The following GPC5 variants were observed in gnomAD, a reference collection of about 807,000 sequenced individuals.
GPC5 encodes the protein glypican 5.
A neutral mutation model predicts 53.9 loss-of-function variants in GPC5; 47 were observed. That is an observed-to-expected ratio of 0.87 (90% CI 0.69 to 1.11). The LOEUF is 1.11. GPC5 is among the 50% of genes most tolerant of loss of function. The pLI is 0.00. For missense variants in GPC5, 748 were observed against 713.1 expected, an observed-to-expected ratio of 1.05 and a Z score of -0.56; for synonymous variants, 286 against 263.3, an observed-to-expected ratio of 1.09 and a Z score of -0.84.
At chr13:91,456,489 T>A (rs1426398653) in intron 2 of GPC5, among the ~76,000 whole-genome samples, 8 of 151,996 alleles carry the variant, frequency 5.3e-5, no homozygotes, top group Admixed American at 5.3e-4. Context: ...AGTTAATAAT[T>A]TTTTTAAGAT....
chr13:92,596,533 G>C (rs2139074573), intron 7 of GPC5, among the ~76,000 whole-genome samples: 1 of 152,102 alleles, frequency 6.6e-6, no homozygotes, highest in South Asian at 2.1e-4. Context: ...GAGTGCAGTG[G>C]CACAATGTTG....
At position 91,669,454 on chromosome 13, in the gene GPC5, G is replaced by A. The variant is rs553208371; in HGVS notation, c.326-23733G>A. Among the ~76,000 whole-genome samples, 34 of 152,266 alleles carry A rather than the reference G, an allele frequency of 2.2e-4. No individual in the cohort carries two copies. The East Asian group carries it at 4.6e-3, about 21-fold the overall frequency. ...GATGGTTAACAGACACTAATTTAAA[G>A]CGGGAACTTTGGCCAGAATCAATAT... On this transcript the variant is annotated intron_variant, in intron 2 of 7. Transcript: ENST00000377067.
intron 7 of GPC5, among the ~76,000 whole-genome samples, chr13:92,278,394 G>C (rs2042890805): frequency 6.6e-6 from 1 of 151,846 alleles, no homozygotes; most frequent in South Asian, 2.1e-4. Context: ...TTTCCTTGTG[G>C]ATTGAGACAT....
In GPC5 at chr13:91,757,614, C is replaced by A. The variant is rs569661769; in HGVS notation, c.1280+1194C>A. 7.2e-5 allele frequency among the ~76,000 whole-genome samples: 11 copies of A among 152,230 alleles called. No individual in the cohort carries two copies. In the South Asian group the frequency reaches 2.3e-3, roughly 32 times the overall value. On this transcript the variant is annotated intron_variant, in intron 5 of 7. Transcript: ENST00000377067. ...TGTGCACATATACTTCTCTTTGCTG[C>A]TGCCATGTGAAGAAGGACGTATTTG... is the stretch of plus-strand genomic sequence containing the variant.
chr13:92,668,722 T>A (rs1319011805), intron 7 of GPC5, among the ~76,000 whole-genome samples: 1 of 152,094 alleles, frequency 6.6e-6, no homozygotes, highest in East Asian at 1.9e-4. Flanking sequence ...AAGTCTGTGG[T>A]CTTCTGTAAC....
rs115738853 is a variant in GPC5, at chr13:92,070,913, G to A, written c.1402-73917G>A. On this transcript the variant is annotated intron_variant, in intron 6 of 7. Transcript: ENST00000377067. Reference sequence around the variant, plus strand: ...TTGCATACTATCTTTTTATTTTATTGTGAAACACATTATAGAACTTTACAG... The same window carrying A: ...TTGCATACTATCTTTTTATTTTATTATGAAACACATTATAGAACTTTACAG... 3.1e-3 allele frequency among the ~76,000 whole-genome samples: 472 copies of A among 151,910 alleles called. 3 individuals carry two copies. Among genetic ancestry groups the A allele is most frequent in the African/African-American group, 0.011 (442 of 41,434 alleles).
At chr13:91,591,339 C>A (rs970855914) in intron 2 of GPC5, among the ~76,000 whole-genome samples, 1 of 152,162 alleles carries the variant, frequency 6.6e-6, no homozygotes, top group East Asian at 1.9e-4. Context: ...CTATATCTGA[C>A]TTGACCTTTC....
At chr13:91,950,932 C>G (rs1301226537) in intron 6 of GPC5, among the ~76,000 whole-genome samples, 1 of 152,096 alleles carries the variant, frequency 6.6e-6, no homozygotes, top group Admixed American at 6.5e-5. Flanking sequence ...AGTCCTCATT[C>G]CCTCTGCTGC....
chr13:91,993,750 A>G (rs2040478950), intron 6 of GPC5, among the ~76,000 whole-genome samples: 1 of 151,876 alleles, frequency 6.6e-6, no homozygotes, highest in African/African-American at 2.4e-5. Context: ...ATCTCAAAAT[A>G]TCTCATATGT....
rs532976424 is a variant in GPC5, at chr13:92,617,828, ATTC to A, written c.1562-248451_1562-248449del. On this transcript the variant is annotated intron_variant, in intron 7 of 7. Coordinates refer to ENST00000377067, the MANE Select transcript of GPC5 (RefSeq NM_004466.6). ...AGGTGTTACATACTTACAGGATTTT[ATTC>A]TTTTTTCTTCTTTTTTTATTATACT... is the stretch of plus-strand genomic sequence containing the variant. Among the ~76,000 whole-genome samples the A allele has an allele frequency of 2.6e-4, 39 of 152,248 alleles. No homozygotes were observed. In the South Asian group the frequency reaches 8.1e-3, roughly 32 times the overall value.
intron 7 of GPC5, among the ~76,000 whole-genome samples, chr13:92,370,892 T>TA (rs528007636): frequency 3.7e-4 from 56 of 152,336 alleles, no homozygotes; most frequent in African/African-American, 1.3e-3. Context: ...CTCACACCTG[T>TA]AATCCCAGCA....
At chr13:92,863,016 C>A (rs1214569261) in intron 7 of GPC5, among the ~76,000 whole-genome samples, 1 of 152,138 alleles carries the variant, frequency 6.6e-6, no homozygotes, top group South Asian at 2.1e-4. Context: ...CATTAACTTG[C>A]CCACATGGAT....
chr13:92,303,267 T>G (rs1303225953), intron 7 of GPC5, among the ~76,000 whole-genome samples: 2 of 151,986 alleles, frequency 1.3e-5, no homozygotes, highest in African/African-American at 2.4e-5. Context: ...TATGCCAGAG[T>G]CTCCGTGGTG....
chr13:91,734,603 T>C (rs1380627831), intron 4 of GPC5, among the ~76,000 whole-genome samples: 1 of 151,224 alleles, frequency 6.6e-6, no homozygotes, highest in East Asian at 1.9e-4. Context: ...TGGAGGAAGA[T>C]TTATATTACA....
chr13:92,162,852 A>T (rs1239158445), intron 7 of GPC5, among the ~76,000 whole-genome samples: 1 of 151,986 alleles, frequency 6.6e-6, no homozygotes, highest in Non-Finnish European at 1.5e-5. Flanking sequence ...TCTTGAAATG[A>T]ACTTGGTCAC....
chr13:91,578,239 T>G (rs2139068523), intron 2 of GPC5, among the ~76,000 whole-genome samples: 1 of 152,334 alleles, frequency 6.6e-6, no homozygotes, highest in Middle Eastern at 3.4e-3. Flanking sequence ...TCTCCTGGCT[T>G]GTCTTAAATG....
At chr13:91,702,769 C>T (rs532989) in intron 3 of GPC5, among the ~76,000 whole-genome samples, 30,152 of 151,864 alleles carry the variant, frequency 0.2, 3,712 homozygotes, top group African/African-American at 0.34. Context: ...AATTCAAGAA[C>T]GTGGACATCA....
At position 92,217,791 on chromosome 13, in the gene GPC5, C is replaced by T. The variant is rs141497143; in HGVS notation, c.1561+72802C>T. The stretch of plus-strand genomic sequence containing the variant: ...ATGTAGACTTGACTAGCTTCTGTTT[C>T]TGCATTCAGAATGCCAGATAACTCA... On this transcript the variant is annotated intron_variant, in intron 7 of 7. Transcript: ENST00000377067. Among the ~76,000 whole-genome samples, 1,457 of 152,078 alleles carry T rather than the reference C, an allele frequency of 9.6e-3. 24 individuals are homozygous for T. Among genetic ancestry groups the T allele is most frequent in the African/African-American group, 0.033 (1,367 of 41,484 alleles).
At chr13:92,743,504 C>G (rs903804910) in intron 7 of GPC5, among the ~76,000 whole-genome samples, 2 of 152,126 alleles carry the variant, frequency 1.3e-5, no homozygotes, top group African/African-American at 4.8e-5. Flanking sequence ...ATGGGGTTTT[C>G]TAGATATACA....
Sources: gnomAD v4.1 joint callset for allele counts (sites outside exome capture counted in the v4.1 genomes callset) on GRCh38, gnomAD v4.1.1 for gene constraint, MANE v1.5 for transcripts, NCBI Gene and HGNC (gene_info 2026-07-23, HGNC 2026-07-21) for gene names.